Variants in DNAH11 observed in about 807,000 individuals in gnomAD.
The protein encoded by DNAH11 is axonemal beta dynein heavy chain 11.
In DNAH11, 442 loss-of-function variants were observed where a neutral mutation model predicts 526.0. That is an observed-to-expected ratio of 0.84 (90% CI 0.78 to 0.91). DNAH11 has a LOEUF of 0.91. DNAH11 is among the 40% of genes least tolerant of loss of function. DNAH11 has a pLI of 0.00. For missense variants in DNAH11, 6,989 were observed against 5,448.7 expected (o/e 1.28, Z -8.90); for synonymous variants, 2,461 against 1,935.9 (o/e 1.27, Z -7.12).
chr7:21,574,483 G>A (rs1436452911), intron 8 of DNAH11, among the ~76,000 whole-genome samples: 3 of 151,968 alleles, frequency 2.0e-5, no homozygotes, highest in Non-Finnish European at 4.4e-5. Flanking sequence ...CCAGTTGGTG[G>A]AATGGAAGTT....
At position 21,744,879 on chromosome 7, in the gene DNAH11, A is replaced by G. The variant is rs776416139; in HGVS notation, c.8326A>G (p.Ser2776Gly). The change falls in exon 51 of 82, where the codon AGT becomes GGT. Residue 2776 changes from serine to glycine, a missense_variant. Coordinates refer to ENST00000409508, the MANE Select transcript of DNAH11 (RefSeq NM_001277115.2). ...CTTTCTCATCCTGCAGGGTATAGAT[A>G]GTCACATGCTGCTTCAACAGCCCCT... ...TAYKYFEGIDSHMLLQQPLIY... is the reference protein window; with the variant it reads ...TAYKYFEGIDGHMLLQQPLIY... 1.2e-6 allele frequency: 2 copies of G among 1,608,898 alleles called. No homozygotes were observed. Among genetic ancestry groups the G allele is most frequent in the Non-Finnish European group, 1.7e-6 (2 of 1,177,590 alleles).
chr7:21,847,088 C>G (rs1462040097), intron 66 of DNAH11, among the ~76,000 whole-genome samples: 1 of 152,126 alleles, frequency 6.6e-6, no homozygotes, highest in African/African-American at 2.4e-5. Context: ...TGTCTCTTGG[C>G]TAGCCTGGCT....
At chr7:21,702,831 A>C in intron 37 of DNAH11, 29 bp downstream of exon 37, 1 of 1,585,168 alleles carries the variant, frequency 6.3e-7, no homozygotes, top group Non-Finnish European at 8.6e-7. Flanking sequence ...GATTTTGTTG[A>C]GTGAGTAGCT....
intron 68 of DNAH11, among the ~76,000 whole-genome samples, chr7:21,857,565 A>G (rs192667077): frequency 2.2e-4 from 34 of 152,126 alleles, no homozygotes; most frequent in Admixed American, 3.9e-4. Context: ...AAGACTTACA[A>G]TTTCTGATTT....
chr7:21,599,964 A>T lies in DNAH11; in HGVS notation c.2845A>T (p.Ile949Phe), dbSNP rs763972586. Residue 949 changes from isoleucine (I) to phenylalanine (F), a missense_variant, in exon 15 of 82, where the codon ATC becomes TTC. Transcript: ENST00000409508. ...GGCACCGTTTTTTCAAGCACAAATG[A>T]TCTTGTTGCCTCCTGAGATTGTGTT... ...KPAPFFQAQM[I>F]LLPPEIVFKP... 5 of 1,613,744 alleles carry T rather than the reference A, an allele frequency of 3.1e-6. No homozygotes were observed. In the South Asian group the frequency reaches 5.5e-5, roughly 18 times the overall value.
chr7:21,585,269 A>G (rs1441978397), intron 9 of DNAH11, among the ~76,000 whole-genome samples: 1 of 152,120 alleles, frequency 6.6e-6, no homozygotes, highest in African/African-American at 2.4e-5. Flanking sequence ...GGCTAGGTGG[A>G]GTGACTGGTA....
At chr7:21,641,291 G>A (rs1004404558) in intron 28 of DNAH11, among the ~76,000 whole-genome samples, 7 of 152,126 alleles carry the variant, frequency 4.6e-5, no homozygotes, top group Admixed American at 1.3e-4. Context: ...CAAAAAAGGC[G>A]GGGGAGATGC....
chr7:21,677,922 A>G (rs1281949882), intron 30 of DNAH11, among the ~76,000 whole-genome samples: 1 of 152,106 alleles, frequency 6.6e-6, no homozygotes, highest in African/African-American at 2.4e-5. Context: ...TAATCAGCCT[A>G]TTTGTTGCCG....
intron 6 of DNAH11, among the ~76,000 whole-genome samples, chr7:21,565,009 GA>G (rs1783605632): frequency 6.6e-6 from 1 of 152,188 alleles, no homozygotes; most frequent in East Asian, 1.9e-4. Context: ...CATAATTTGA[GA>G]GGTAAAAGAT....
rs1316956664 is a variant in DNAH11, at chr7:21,778,778, CAT to C, written c.9337-179_9337-178del. ...TGGAAAATATTATTCTGTTTGTTCTCATGTGGAGAAAAACAATGTGGCTGCAT... is the reference window on the plus strand; with the variant it reads ...TGGAAAATATTATTCTGTTTGTTCTCGTGGAGAAAAACAATGTGGCTGCAT... On this transcript the variant is annotated intron_variant, in intron 56 of 81. Coordinates refer to ENST00000409508, the MANE Select transcript of DNAH11 (RefSeq NM_001277115.2). 2.6e-5 allele frequency among the ~76,000 whole-genome samples: 4 copies of C among 152,262 alleles called. No homozygotes were observed. In the East Asian group the frequency reaches 7.7e-4, roughly 29 times the overall value.
intron 30 of DNAH11, among the ~76,000 whole-genome samples, chr7:21,661,044 C>T (rs145856277): frequency 0.011 from 1,644 of 152,168 alleles, 14 homozygotes; most frequent in Non-Finnish European, 0.016. Flanking sequence ...ATTCTAGCAG[C>T]GATGTTCCTC....
At chr7:21,639,224 C>T (rs80059464) in intron 28 of DNAH11, among the ~76,000 whole-genome samples, 159 bp downstream of exon 28, 1 of 152,230 alleles carries the variant, frequency 6.6e-6, no homozygotes, top group East Asian at 1.9e-4. Context: ...ATGTCAGAGG[C>T]TGTGCAAAAG....
At chr7:21,890,000 T>G (rs1283807171) in intron 76 of DNAH11, among the ~76,000 whole-genome samples, 2 of 152,158 alleles carry the variant, frequency 1.3e-5, no homozygotes, top group Admixed American at 1.3e-4. Flanking sequence ...TTTTTCCTTC[T>G]AGAAAAAGCA....
intron 61 of DNAH11, among the ~76,000 whole-genome samples, chr7:21,792,549 T>A (rs954350945): frequency 6.6e-6 from 1 of 152,118 alleles, no homozygotes; most frequent in Non-Finnish European, 1.5e-5. Flanking sequence ...TGGAGACTTT[T>A]TATTATTGCT....
Position 21,749,749 on chromosome 7 carries a change from C to A in DNAH11, c.8745C>A (p.Ala2915=), listed in dbSNP as rs532384466. 169 of 1,613,900 alleles carry A rather than the reference C, an allele frequency of 1.0e-4. No individual in the cohort carries two copies. Among genetic ancestry groups the A allele is most frequent in the Admixed American group, 7.5e-4 (45 of 60,020 alleles). Residue 2915 remains alanine (A), a synonymous_variant, in exon 53 of 82, where the codon GCC becomes GCA. Coordinates refer to ENST00000409508, the MANE Select transcript of DNAH11 (RefSeq NM_001277115.2). ...NMPTVFLLTD[A]QVLDESFLVL... ...CCACTGTGTTCCTGCTGACAGATGC[C>A]CAGGTTCTAGATGAGAGCTTCCTCG... is the stretch of plus-strand genomic sequence containing the variant.
In DNAH11 at chr7:21,750,796, C is replaced by T. The variant is rs28403520; in HGVS notation, c.8940+432C>T. On this transcript the variant is annotated intron_variant, in intron 54 of 81. Transcript: ENST00000409508. Reference sequence around the variant, plus strand: ...ATTCAAGGGGAGGAACTTTCAGGGACGGGAAATGGCATTTATATAAAGGTC... The same window carrying T: ...ATTCAAGGGGAGGAACTTTCAGGGATGGGAAATGGCATTTATATAAAGGTC... Among the ~76,000 whole-genome samples the T allele has an allele frequency of 8.0e-3, 1,221 of 152,086 alleles. 11 individuals carry two copies. The highest frequency in any genetic ancestry group is 0.028 in the African/African-American group (1,163 of 41,490).
At chr7:21,757,859 A>G (rs888578918) in intron 54 of DNAH11, among the ~76,000 whole-genome samples, 1 of 152,228 alleles carries the variant, frequency 6.6e-6, no homozygotes, top group African/African-American at 2.4e-5. Context: ...TTTTCAGGGT[A>G]TGTTTCTCAT....
chr7:21,556,906 C>T (rs112932613), intron 2 of DNAH11, among the ~76,000 whole-genome samples: 111 of 152,134 alleles, frequency 7.3e-4, no homozygotes, highest in African/African-American at 2.4e-3. Flanking sequence ...TACTAAAATA[C>T]GAAAACTAGC....
At chr7:21,559,111 C>T (rs1252410862) in intron 3 of DNAH11, 113 bp downstream of exon 3, 2 of 838,118 alleles carry the variant, frequency 2.4e-6, no homozygotes, top group Admixed American at 3.0e-5. Context: ...GTTGCTTGAT[C>T]CCAGGAGTTC....
Sources: gnomAD v4.1 joint callset for allele counts (sites outside exome capture counted in the v4.1 genomes callset) on GRCh38, gnomAD v4.1.1 for gene constraint, MANE v1.5 for transcripts, NCBI Gene and HGNC (gene_info 2026-07-23, HGNC 2026-07-21) for gene names.